HPGDS: variants seen among roughly 807,000 people sequenced by gnomAD.
The protein encoded by HPGDS is hematopoietic prostaglandin D synthase.
HPGDS carries 26 observed loss-of-function variants against 23.1 expected under a neutral mutation model. The ratio of observed to expected loss-of-function variants is 1.13; its 90% CI spans 0.83 to 1.56. The LOEUF is 1.56. HPGDS is among the 40% of genes most tolerant of loss of function. The pLI, the probability that HPGDS is intolerant of heterozygous loss-of-function variation, is 0.00. For synonymous variants in HPGDS, 95 were observed against 77.9 expected (o/e 1.22, Z -1.16); for missense variants, 268 against 236.4 (o/e 1.13, Z -0.88).
chr4:94,311,035 G>T (rs1756257241), intron 3 of HPGDS, among the ~76,000 whole-genome samples: 1 of 152,052 alleles, frequency 6.6e-6, no homozygotes, highest in Admixed American at 6.5e-5. Flanking sequence ...GGAGATTTTT[G>T]GCTGAGATGA....
intron 1 of HPGDS, 60 bp downstream of exon 1, chr4:94,342,734 GA>G (rs1721197592): frequency 6.6e-6 from 1 of 152,162 alleles, no homozygotes; most frequent in Non-Finnish European, 1.5e-5. Context: ...TAAAAACTCT[GA>G]AGTAAAGAGT....
intron 4 of HPGDS, among the ~76,000 whole-genome samples, chr4:94,305,503 G>C (rs1756123522): frequency 6.6e-6 from 1 of 152,106 alleles, no homozygotes. Context: ...ATACTAAGTA[G>C]ATAGTATGTG....
chr4:94,309,363 A>G (rs1756212463), intron 3 of HPGDS, among the ~76,000 whole-genome samples: 1 of 150,592 alleles, frequency 6.6e-6, no homozygotes, highest in South Asian at 2.1e-4. Flanking sequence ...GAGAGAGAAG[A>G]GTGAGAACAT....
At chr4:94,304,500 G>A (rs1560583819) in intron 4 of HPGDS, among the ~76,000 whole-genome samples, 1 of 152,000 alleles carries the variant, frequency 6.6e-6, no homozygotes, top group Non-Finnish European at 1.5e-5. Context: ...TATATGACAA[G>A]AATATATTCA....
chr4:94,312,086 T>G (rs1380162007), intron 3 of HPGDS, among the ~76,000 whole-genome samples: 1 of 152,090 alleles, frequency 6.6e-6, no homozygotes, highest in Non-Finnish European at 1.5e-5. Flanking sequence ...TTTCAAAAAA[T>G]AAGCTCCTGG....
At chr4:94,309,015 T>C (rs564651398) in intron 3 of HPGDS, among the ~76,000 whole-genome samples, 1 of 146,350 alleles carries the variant, frequency 6.8e-6, no homozygotes, top group Admixed American at 6.8e-5. Context: ...GTCCCCTACA[T>C]ATCTTTCTTT....
At chr4:94,304,532 A>G (rs1048311009) in intron 4 of HPGDS, among the ~76,000 whole-genome samples, 1 of 152,114 alleles carries the variant, frequency 6.6e-6, no homozygotes, top group African/African-American at 2.4e-5. Context: ...AAGTGCATCA[A>G]TATTCTGCCT....
chr4:94,310,016 G>A (rs1756228931), intron 3 of HPGDS, among the ~76,000 whole-genome samples: 1 of 152,182 alleles, frequency 6.6e-6, no homozygotes, highest in African/African-American at 2.4e-5. Flanking sequence ...GTTCTTTATA[G>A]ATTCTGGATA....
intron 2 of HPGDS, among the ~76,000 whole-genome samples, chr4:94,330,893 A>G (rs1756722779): frequency 1.3e-5 from 2 of 152,202 alleles, no homozygotes; most frequent in Admixed American, 6.5e-5. Context: ...TGAGCAATGA[A>G]CGATTTGCCA....
At chr4:94,301,317 T>C (rs537806878) in intron 5 of HPGDS, among the ~76,000 whole-genome samples, 2 of 152,316 alleles carry the variant, frequency 1.3e-5, no homozygotes, top group Admixed American at 1.3e-4. Flanking sequence ...TAGGTGGTAG[T>C]GTGCCTAGTA....
chr4:94,299,353 G>T lies in HPGDS; in HGVS notation c.*127C>A, dbSNP rs1343648657. The T allele has an allele frequency of 2.6e-6, 2 of 771,506 alleles. No individual in the cohort carries two copies. The highest frequency in any genetic ancestry group is 2.8e-5 in the Admixed American group (1 of 35,612). The allele number at this position is 771,506 out of a possible 1,614,324, so 47.8% of individuals were successfully genotyped here. On this transcript the variant is annotated 3_prime_UTR_variant, in exon 6 of 6. Coordinates refer to ENST00000295256, the MANE Select transcript of HPGDS (RefSeq NM_014485.3). ...TTTCCTTTTTAAAAATCAGAATATG[G>T]CTAAAGTGAAAATCTTAGTGGAGCT...
At chr4:94,308,128 A>G (rs936690662) in intron 4 of HPGDS, among the ~76,000 whole-genome samples, 1 of 152,138 alleles carries the variant, frequency 6.6e-6, no homozygotes, top group Non-Finnish European at 1.5e-5. Context: ...TTTCATTTAC[A>G]CCTTATACAC....
At chr4:94,336,830 C>T (rs1353192698) in intron 1 of HPGDS, among the ~76,000 whole-genome samples, 1 of 152,120 alleles carries the variant, frequency 6.6e-6, no homozygotes, top group Non-Finnish European at 1.5e-5. Flanking sequence ...TATTCTTATC[C>T]AGGAAAAGCA....
chr4:94,333,206 T>G (rs935506180), intron 2 of HPGDS, among the ~76,000 whole-genome samples: 3 of 152,220 alleles, frequency 2.0e-5, no homozygotes, highest in Non-Finnish European at 4.4e-5. Context: ...AACTGCTCCT[T>G]AGTAGTACCT....
chr4:94,305,086 AC>A (rs1368452543), intron 4 of HPGDS, among the ~76,000 whole-genome samples: 3 of 152,120 alleles, frequency 2.0e-5, no homozygotes, highest in African/African-American at 7.2e-5. Flanking sequence ...AGTATATAAC[AC>A]TATTAATTAT....
intron 2 of HPGDS, among the ~76,000 whole-genome samples, chr4:94,324,577 T>G (rs990224196): frequency 2.0e-5 from 3 of 152,218 alleles, no homozygotes; most frequent in African/African-American, 7.2e-5. Flanking sequence ...GCACGCATCA[T>G]GATGTTCTCA....
chr4:94,320,416 A>G (rs552063781), intron 2 of HPGDS, among the ~76,000 whole-genome samples: 32 of 152,268 alleles, frequency 2.1e-4, no homozygotes, highest in African/African-American at 7.5e-4. Flanking sequence ...CACCCTCTCC[A>G]GCACCTGTTG....
intron 4 of HPGDS, among the ~76,000 whole-genome samples, chr4:94,303,137 T>C (rs1311158413): frequency 6.6e-6 from 1 of 152,166 alleles, no homozygotes; most frequent in African/African-American, 2.4e-5. Flanking sequence ...ACCAATTTGC[T>C]GATTTACTTG....
At chr4:94,302,070 T>A in intron 5 of HPGDS, 76 bp downstream of exon 5, 4 of 1,086,038 alleles carry the variant, frequency 3.7e-6, no homozygotes, top group Non-Finnish European at 5.4e-6. Flanking sequence ...GGTAACTTTT[T>A]TTCAGTAAGT....
Sources: allele counts gnomAD v4.1 joint callset (sites outside exome capture counted in the v4.1 genomes callset), GRCh38; gene constraint gnomAD v4.1.1; transcripts MANE v1.5; gene names NCBI Gene and HGNC (gene_info 2026-07-23, HGNC 2026-07-21).